ASXL3: variants seen among roughly 807,000 people sequenced by gnomAD.
ASXL3 encodes the protein ASXL transcriptional regulator 3.
Under a neutral mutation model 170.6 loss-of-function variants are expected in ASXL3, and 34 were observed. The ratio of observed to expected loss-of-function variants is 0.20; its 90% CI spans 0.15 to 0.27. The LOEUF (loss-of-function observed/expected upper bound fraction) is 0.27. ASXL3 is among the 10% of genes least tolerant of loss of function. ASXL3 has a pLI of 1.00. For synonymous variants in ASXL3, 1,002 were observed against 989.1 expected (o/e 1.01, Z -0.24); for missense variants, 2,592 against 2,695.3 (o/e 0.96, Z 0.85).
chr18:33,598,986 T>G (rs914791403), intron 1 of ASXL3, among the ~76,000 whole-genome samples: 2 of 152,182 alleles, frequency 1.3e-5, no homozygotes, highest in Non-Finnish European at 2.9e-5. Flanking sequence ...TTGTTAAAAG[T>G]ATTAAATGAA....
chr18:33,633,137 A>G (rs776467153), intron 2 of ASXL3, among the ~76,000 whole-genome samples: 1 of 152,118 alleles, frequency 6.6e-6, no homozygotes, highest in Non-Finnish European at 1.5e-5. Context: ...TTAAAGATTG[A>G]TACTATCCGT....
At chr18:33,703,204 CTT>C (rs1266508164) in intron 8 of ASXL3, among the ~76,000 whole-genome samples, 3 of 152,132 alleles carry the variant, frequency 2.0e-5, no homozygotes, top group Non-Finnish European at 4.4e-5. Flanking sequence ...CAAGATCACT[CTT>C]AGGCACAAAC....
intron 1 of ASXL3, among the ~76,000 whole-genome samples, chr18:33,587,211 A>G (rs1337623981): frequency 6.6e-6 from 1 of 152,206 alleles, no homozygotes; most frequent in African/African-American, 2.4e-5. Context: ...GTGATATATC[A>G]TTGAATTTTC....
At chr18:33,674,622 CT>C (rs746869542) in intron 7 of ASXL3, among the ~76,000 whole-genome samples, 197 of 145,744 alleles carry the variant, frequency 1.4e-3, no homozygotes, top group Admixed American at 1.4e-3. Flanking sequence ...TAACCCATGT[CT>C]TTTTTTTTTT....
At position 33,742,875 on chromosome 18, in the gene ASXL3, G is replaced by C; in HGVS notation, c.3040-13G>C. Reference sequence around the variant, plus strand: ...TGAAGCACATTATATTTTTTTTTCTGTCCTCCTTTTAGATTCAGCTTTCCA... The same window carrying C: ...TGAAGCACATTATATTTTTTTTTCTCTCCTCCTTTTAGATTCAGCTTTCCA... On this transcript the variant is annotated splice_polypyrimidine_tract_variant and intron_variant, in intron 11 of 11. Coordinates refer to ENST00000269197, the MANE Select transcript of ASXL3 (RefSeq NM_030632.3). 1 of 1,567,288 alleles carries C rather than the reference G, an allele frequency of 6.4e-7. No individual in the cohort carries two copies. The highest frequency in any genetic ancestry group is 2.3e-5 in the East Asian group (1 of 44,368).
intron 7 of ASXL3, among the ~76,000 whole-genome samples, chr18:33,676,245 A>AAAAAAAAAAAAAAAAAAAAAG: frequency 6.7e-6 from 1 of 149,750 alleles, no homozygotes; most frequent in Non-Finnish European, 1.5e-5. Flanking sequence ...AAAAAAAAAA[A>AAAAAAAAAAAAAAAAAAAAAG]AATTATTCAG....
intron 2 of ASXL3, among the ~76,000 whole-genome samples, chr18:33,622,777 C>G (rs888562578): frequency 6.6e-6 from 1 of 152,152 alleles, no homozygotes; most frequent in Non-Finnish European, 1.5e-5. Context: ...AACAGTTCTA[C>G]TCATGTCCCA....
intron 8 of ASXL3, among the ~76,000 whole-genome samples, chr18:33,704,557 G>A (rs894327687): frequency 5.0e-4 from 76 of 152,136 alleles, no homozygotes; most frequent in African/African-American, 1.7e-3. Context: ...TTAATGAGTA[G>A]ATATAGTGCC....
chr18:33,604,790 T>C (rs1007761860), intron 1 of ASXL3, among the ~76,000 whole-genome samples: 1 of 152,026 alleles, frequency 6.6e-6, no homozygotes, highest in African/African-American at 2.4e-5. Context: ...GTTTCACATT[T>C]TGAAAAGTTT....
intron 1 of ASXL3, among the ~76,000 whole-genome samples, chr18:33,600,114 G>A (rs922407882): frequency 2.6e-5 from 4 of 152,072 alleles, no homozygotes; most frequent in African/African-American, 9.7e-5. Flanking sequence ...GTTCAGAGAA[G>A]GATGATTTGG....
rs768555015 is a variant in ASXL3 at position 33,739,511 on chromosome 18, G to A, written c.2107G>A (p.Glu703Lys). The change falls in exon 11 of 12, where the codon GAA becomes AAA. Residue 703 changes from glutamate (E) to lysine (K), a missense_variant. Around this residue, in one of 4 missense-constraint regions of ASXL3, gnomAD observed 2,246 missense variants for 2,219.6 expected, o/e 1.01. Coordinates refer to ENST00000269197, the MANE Select transcript of ASXL3 (RefSeq NM_030632.3). ...TATGTCCAACTTACCATTAACATCT[G>A]AAGCATCACCAGTATCCAACTTACC... ...SLMSNLPLTS[E>K]ASPVSNLPLT... is the part of the protein sequence containing the mutation. 2.5e-6 allele frequency: 4 copies of A among 1,613,882 alleles called. No homozygotes were observed. The South Asian group carries it at 4.4e-5, about 18-fold the overall frequency.
chr18:33,647,536 CA>C (rs2065934237), intron 4 of ASXL3, among the ~76,000 whole-genome samples: 1 of 151,984 alleles, frequency 6.6e-6, no homozygotes, highest in African/African-American at 2.4e-5. Context: ...GGCAGAGAAT[CA>C]CAGTAATTTC....
At chr18:33,723,110 A>T (rs1015175260) in intron 8 of ASXL3, among the ~76,000 whole-genome samples, 44 of 152,304 alleles carry the variant, frequency 2.9e-4, no homozygotes, top group Non-Finnish European at 4.0e-4. Context: ...AAGCTGACAG[A>T]GATGTAAAAA....
At chr18:33,638,133 GTA>G (rs146413821) in intron 2 of ASXL3, among the ~76,000 whole-genome samples, 39 of 148,558 alleles carry the variant, frequency 2.6e-4, no homozygotes, top group Non-Finnish European at 4.2e-4. Context: ...CATGTGTATA[GTA>G]TATATATATA....
chr18:33,636,305 TCAACAACAACAACAA>T (rs367963281), intron 2 of ASXL3, among the ~76,000 whole-genome samples: 1 of 110,676 alleles, frequency 9.0e-6, no homozygotes, highest in Non-Finnish European at 1.9e-5. Context: ...AACCACTGAT[TCAACAACAACAACAA>T]CAACAACAAC....
intron 2 of ASXL3, among the ~76,000 whole-genome samples, chr18:33,630,313 T>C (rs996640886): frequency 1.3e-5 from 2 of 151,974 alleles, no homozygotes; most frequent in Admixed American, 6.6e-5. Flanking sequence ...TACATATATA[T>C]ATTTCACACC....
chr18:33,670,235 A>T (rs999588812), intron 5 of ASXL3, among the ~76,000 whole-genome samples: 3 of 152,338 alleles, frequency 2.0e-5, no homozygotes, highest in Middle Eastern at 3.4e-3. Flanking sequence ...CATACTGATG[A>T]CACTCAGTGT....
chr18:33,711,654 A>T (rs2067065671), intron 8 of ASXL3, among the ~76,000 whole-genome samples: 1 of 152,114 alleles, frequency 6.6e-6, no homozygotes, highest in Admixed American at 6.5e-5. Flanking sequence ...AATAAATTAG[A>T]TGGTTGGTTG....
chr18:33,643,015 TA>T (rs1254548709), intron 2 of ASXL3, among the ~76,000 whole-genome samples: 5 of 151,928 alleles, frequency 3.3e-5, no homozygotes, highest in African/African-American at 1.2e-4. Flanking sequence ...TATTAAGTTA[TA>T]TTTTTAAAAT....
Sources: allele counts gnomAD v4.1 joint callset (sites outside exome capture counted in the v4.1 genomes callset), GRCh38; gene constraint gnomAD v4.1.1; regional missense constraint gnomAD v4.1.1; transcripts MANE v1.5; gene names NCBI Gene and HGNC (gene_info 2026-07-23, HGNC 2026-07-21).